The following SPEG variants were observed in gnomAD, a reference collection of about 807,000 sequenced individuals.
The protein encoded by SPEG is striated muscle enriched protein kinase, also known as striated muscle preferentially expressed protein kinase.
Under a neutral mutation model 300.4 loss-of-function variants are expected in SPEG, and 114 were observed. The observed-to-expected ratio is 0.38, with a 90% CI of 0.33 to 0.44. SPEG has a LOEUF of 0.44. Among genes scored for constraint, SPEG ranks in the 20% least tolerant of loss-of-function variants. SPEG has a pLI of 1.00. For synonymous variants in SPEG, 1,964 were observed against 2,018.9 expected, an observed-to-expected ratio of 0.97 and a Z score of 0.73; for missense variants, 4,201 against 4,586.2, an observed-to-expected ratio of 0.92 and a Z score of 2.43.
Position 219,484,592 on chromosome 2 carries a change from C to A in SPEG, c.7129C>A (p.Pro2377Thr). The A allele has an allele frequency of 6.4e-7, 1 of 1,569,402 alleles. No individual in the cohort carries two copies. ...EEEDGIYRPS[P>T]AGTPLELVRR... ...GGAGGATGGCATATACCGGCCCAGC[C>A]CGGCGGGGACCCCGCTGGAGCTGGT... Residue 2377 changes from proline (P) to threonine (T), a missense_variant, in exon 30 of 41, where the codon CCG (proline) becomes ACG (threonine). Pro to Thr is a conservative substitution (Grantham distance 38, BLOSUM62 -1). Coordinates refer to ENST00000312358, the MANE Select transcript of SPEG (RefSeq NM_005876.5).
chr2:219,460,685 C>A (rs1208692156), intron 6 of SPEG: 2 of 977,018 alleles, frequency 2.0e-6, no homozygotes, highest in African/African-American at 1.8e-5. Context: ...CCCCTCTCCT[C>A]CCCCTCCACA....
Position 219,472,258 on chromosome 2 carries a change from G to A in SPEG, c.3867G>A (p.Pro1289=), listed in dbSNP as rs1322153647. ...DVVPGPPDGA[P]QVVAVTGRMV... Reference sequence around the variant, plus strand: ...TCCCAGGCCCTCCAGATGGCGCCCCGCAGGTGGTGGCTGTGACGGGGAGGA... The same window carrying A: ...TCCCAGGCCCTCCAGATGGCGCCCCACAGGTGGTGGCTGTGACGGGGAGGA... The change falls in exon 15 of 41, where the codon CCG becomes CCA. Residue 1289 remains proline (P), a synonymous_variant. Transcript: ENST00000312358. The A allele has an allele frequency of 3.1e-6, 5 of 1,613,736 alleles. No individual in the cohort carries two copies. The highest frequency in any genetic ancestry group is 1.7e-5 in the Admixed American group (1 of 59,996).
At position 219,439,012 on chromosome 2, in the gene SPEG, A is replaced by G. The variant is rs1000324534; in HGVS notation, c.388+3647A>G. ...CTGGGAATGGGTATGGGGAGTGTCA[A>G]CATGCATGCATGCCAAGTGCTGACC... On this transcript the variant is annotated intron_variant, in intron 1 of 40. Coordinates refer to ENST00000312358, the MANE Select transcript of SPEG (RefSeq NM_005876.5). This position sits in a 1 kb window ranked among gnomAD's most constrained non-coding sequence, Gnocchi z 4.5. Among the ~76,000 whole-genome samples, 31 of 152,214 alleles carry G rather than the reference A, an allele frequency of 2.0e-4. No individual in the cohort carries two copies. Among genetic ancestry groups the G allele is most frequent in the Non-Finnish European group, 1.6e-4 (11 of 68,038 alleles).
chr2:219,482,999 C>T (rs1692999657), intron 29 of SPEG, 99 bp from the exon 30 acceptor site: 2 of 1,438,104 alleles, frequency 1.4e-6, no homozygotes, highest in Non-Finnish European at 1.9e-6. Context: ...CCCTGACCCT[C>T]TGCATGCTCA....
chr2:219,473,633 C>A lies in SPEG; in HGVS notation c.4271+6C>A, dbSNP rs1423663986. Reference sequence around the variant, plus strand: ...GCCCAGGTCGTCTGGAGGAGGTGGGCCCCTTTCCCACATGTGGCAGCCCAG... The same window carrying A: ...GCCCAGGTCGTCTGGAGGAGGTGGGACCCTTTCCCACATGTGGCAGCCCAG... On this transcript the variant is annotated splice_donor_region_variant and intron_variant, in intron 17 of 40. Transcript: ENST00000312358. The surrounding 1 kb of genome is among the most constrained non-coding windows in gnomAD (Gnocchi z 4.6). 6.2e-7 allele frequency: 1 copy of A among 1,614,134 alleles called. No homozygotes were observed. Among genetic ancestry groups the A allele is most frequent in the Non-Finnish European group, 8.5e-7 (1 of 1,180,012 alleles).
Position 219,480,181 on chromosome 2 carries a change from C to T in SPEG, c.5342+41C>T. 6.2e-7 allele frequency: 1 copy of T among 1,601,974 alleles called. No homozygotes were observed. Among genetic ancestry groups the T allele is most frequent in the South Asian group, 1.1e-5 (1 of 90,638 alleles). On this transcript the variant is annotated intron_variant, in intron 25 of 40. Coordinates refer to ENST00000312358, the MANE Select transcript of SPEG (RefSeq NM_005876.5). This position sits in a 1 kb window ranked among gnomAD's most constrained non-coding sequence, Gnocchi z 5.3. ...TGGGCTGGGCCGACCAGGGCAGCTGCCCTTGGGGCTGTGCTGGGGACGCGC... is the reference window on the plus strand; with the variant it reads ...TGGGCTGGGCCGACCAGGGCAGCTGTCCTTGGGGCTGTGCTGGGGACGCGC...
At chr2:219,436,510 G>C (rs377459697) in intron 1 of SPEG, among the ~76,000 whole-genome samples, 270 of 152,340 alleles carry the variant, frequency 1.8e-3, no homozygotes, top group African/African-American at 5.7e-3. Context: ...TCACTCCCCT[G>C]GGTGCTGCTG....
At chr2:219,456,266 GTCTTC>G (rs1279830193) in intron 6 of SPEG, among the ~76,000 whole-genome samples, 1 of 152,262 alleles carries the variant, frequency 6.6e-6, no homozygotes, top group Non-Finnish European at 1.5e-5. Flanking sequence ...GTCAGTCCCT[GTCTTC>G]TCTTGCCCCT....
chr2:219,469,073 C>T, intron 12 of SPEG, 25 bp downstream of exon 12: 2 of 1,608,346 alleles, frequency 1.2e-6, no homozygotes, highest in South Asian at 1.1e-5. Context: ...CCAAATGATG[C>T]TGGGGCTGCC....
intron 3 of SPEG, among the ~76,000 whole-genome samples, chr2:219,447,196 T>C (rs575857345): frequency 1.7e-5 from 2 of 118,000 alleles, no homozygotes; most frequent in East Asian, 5.1e-4. Flanking sequence ...GCTGAGTTAT[T>C]TCAGAGCATA....
chr2:219,487,465 C>T (rs906878513), intron 31 of SPEG, among the ~76,000 whole-genome samples: 7 of 152,178 alleles, frequency 4.6e-5, no homozygotes, highest in Admixed American at 2.0e-4. Flanking sequence ...ATCCTGTGGG[C>T]GTGGGATTAT....
chr2:219,492,411 GC>G, intron 40 of SPEG, 151 bp downstream of exon 40: 5 of 1,139,802 alleles, frequency 4.4e-6, no homozygotes, highest in Non-Finnish European at 5.0e-6. Context: ...GCCTGAGGCA[GC>G]CCCGTGCAAG....
chr2:219,468,248 T>G (rs1206550206), intron 10 of SPEG, among the ~76,000 whole-genome samples: 1 of 149,968 alleles, frequency 6.7e-6, no homozygotes. Flanking sequence ...GCTTGGCTTC[T>G]AGGACCCTAT....
chr2:219,467,594 G>A (rs1445239120), intron 10 of SPEG, among the ~76,000 whole-genome samples, 160 bp downstream of exon 10: 1 of 152,212 alleles, frequency 6.6e-6, no homozygotes, highest in African/African-American at 2.4e-5. Flanking sequence ...AATAAAATAA[G>A]CACTTAGAAT....
chr2:219,462,668 G>A (rs1289581864), intron 8 of SPEG, among the ~76,000 whole-genome samples: 2 of 152,248 alleles, frequency 1.3e-5, no homozygotes, highest in African/African-American at 4.8e-5. Context: ...TGTAATCCCA[G>A]CATTTTGAGA....
chr2:219,457,938 T>C (rs1375033566), intron 6 of SPEG, among the ~76,000 whole-genome samples: 1 of 152,210 alleles, frequency 6.6e-6, no homozygotes, highest in African/African-American at 2.4e-5. Context: ...TCTTTTTCCC[T>C]GGGCCAAAAG....
chr2:219,451,282 G>A lies in SPEG; in HGVS notation c.2257+3G>A, dbSNP rs772181214. On this transcript the variant is annotated splice_donor_region_variant and intron_variant, in intron 5 of 40. Transcript: ENST00000312358. The surrounding 1 kb of genome is among the most constrained non-coding windows in gnomAD (Gnocchi z 6.4). ...CACTGCCAACCCCCCGCCCCAAGGT[G>A]AGCTCCAGCACTGGGCCAAGGTGCG... 7 of 1,605,458 alleles carry A rather than the reference G, an allele frequency of 4.4e-6. No individual in the cohort carries two copies. The highest frequency in any genetic ancestry group is 8.5e-7 in the Non-Finnish European group (1 of 1,176,204).
chr2:219,489,771 C>G lies in SPEG; in HGVS notation c.8753C>G (p.Pro2918Arg). 6.2e-7 allele frequency: 1 copy of G among 1,613,708 alleles called. No individual in the cohort carries two copies. The highest frequency in any genetic ancestry group is 8.5e-7 in the Non-Finnish European group (1 of 1,179,946). ...SAPPAPEPPA[P>R]EPPPEPTKVT... ...CCACCAGCCCCTGAGCCCCCAGCCC[C>G]TGAGCCCCCTCCTGAGCCTACCAAG... Residue 2918 changes from proline to arginine, a missense_variant, in exon 36 of 41, where the codon CCT becomes CGT. Transcript: ENST00000312358.
chr2:219,445,116 G>T lies in SPEG; in HGVS notation c.770G>T (p.Gly257Val). The T allele has an allele frequency of 6.3e-7, 1 of 1,595,452 alleles. No homozygotes were observed. The highest frequency in any genetic ancestry group is 8.5e-7 in the Non-Finnish European group (1 of 1,171,628). The change falls in exon 3 of 41, where the codon GGC becomes GTC. Residue 257 changes from glycine to valine, a missense_variant. Physicochemically the swap from Gly to Val is moderately radical, Grantham distance 109. Transcript: ENST00000312358. This position sits in a 1 kb window ranked among gnomAD's most constrained non-coding sequence, Gnocchi z 6.1. ...CTTTCCGTGGCCAGTGACCTGTACG[G>T]CAGCGCATTCAGCCTGTACAGAGGA... ...DSLSVASDLY[G>V]SAFSLYRGRA...
Sources: gnomAD v4.1 joint callset for allele counts (sites outside exome capture counted in the v4.1 genomes callset) on GRCh38, gnomAD v4.1.1 for gene constraint, Gnocchi (gnomAD v3.1) non-coding constraint, MANE v1.5 for transcripts, NCBI Gene and HGNC (gene_info 2026-07-23, HGNC 2026-07-21) for gene names.